The following PDGFC variants were observed in gnomAD, a reference collection of about 807,000 sequenced individuals.
PDGFC encodes platelet-derived growth factor C.
PDGFC carries 12 observed loss-of-function variants against 35.5 expected under a neutral mutation model. That is an observed-to-expected ratio of 0.34 (90% confidence interval 0.22 to 0.55). PDGFC has a LOEUF of 0.55. PDGFC is among the 20% of genes least tolerant of loss of function. The pLI is 0.91. For missense variants in PDGFC, 322 were observed against 412.4 expected (o/e 0.78, Z 1.90); for synonymous variants, 159 against 148.8 (o/e 1.07, Z -0.50).
chr4:156,880,234 A>G (rs1730209898), intron 1 of PDGFC, among the ~76,000 whole-genome samples: 2 of 152,146 alleles, frequency 1.3e-5, no homozygotes, highest in African/African-American at 4.8e-5. Context: ...GAACCATTGG[A>G]CAAGTAGACT....
intron 1 of PDGFC, among the ~76,000 whole-genome samples, chr4:156,875,450 T>C (rs1472866742): frequency 1.3e-5 from 2 of 152,106 alleles, no homozygotes; most frequent in Admixed American, 1.3e-4. Flanking sequence ...AGTTGAGCCA[T>C]TAGAAGAAAG....
intron 1 of PDGFC, chr4:156,876,509 A>G (rs1383052363): frequency 6.6e-6 from 1 of 152,210 alleles, no homozygotes; most frequent in Non-Finnish European, 1.5e-5. Flanking sequence ...CATTTGACAG[A>G]TGAGAAAATT....
chr4:156,767,731 T>C (rs1429856261), intron 5 of PDGFC, 42 bp downstream of exon 5: 2 of 1,274,150 alleles, frequency 1.6e-6, no homozygotes, highest in Non-Finnish European at 2.3e-6. Flanking sequence ...TTCTAAGACA[T>C]AAAATACCCG....
At chr4:156,824,307 TATATATATATATATATATATACACAC>T (rs1210485306) in intron 2 of PDGFC, among the ~76,000 whole-genome samples, 3,120 of 47,026 alleles carry the variant, frequency 0.066, 208 homozygotes, top group African/African-American at 0.18. Context: ...TATATATATA[TATATATATATATATATATATACACAC>T]ACACACACAC....
chr4:156,850,293 T>C lies in PDGFC; in HGVS notation c.242A>G (p.Glu81Gly). The C allele has an allele frequency of 6.2e-7, 1 of 1,611,398 alleles. No homozygotes were observed. Among genetic ancestry groups the C allele is most frequent in the South Asian group, 1.1e-5 (1 of 90,780 alleles). Residue 81 changes from glutamate to glycine, a missense_variant, in exon 2 of 6, where the codon GAG (glutamate) becomes GGG (glycine). Glu to Gly is a moderately conservative substitution (Grantham distance 98). This residue lies in a region of PDGFC where 120 missense variants were observed against 116.6 expected (regional missense o/e 1.03). Transcript: ENST00000502773. ...TVLVWRLVAV[E>G]ENVWIQLTFD... Reference sequence around the variant, plus strand: ...CGTAAGTTGTATCCATACATTTTCCTCTACTGCTACTAATCTCCATACCAA... The same window carrying C: ...CGTAAGTTGTATCCATACATTTTCCCCTACTGCTACTAATCTCCATACCAA...
intron 3 of PDGFC, among the ~76,000 whole-genome samples, chr4:156,787,330 C>T (rs897345959): frequency 6.6e-6 from 1 of 152,094 alleles, no homozygotes; most frequent in Non-Finnish European, 1.5e-5. Flanking sequence ...TCAGTTGTGT[C>T]AACCACTGAT....
chr4:156,822,126 A>G (rs184685044), intron 2 of PDGFC, among the ~76,000 whole-genome samples: 1,800 of 152,172 alleles, frequency 0.012, 26 homozygotes, highest in African/African-American at 0.041. Context: ...TTGGGAGGCC[A>G]AGGCGGGTAG....
At chr4:156,819,954 G>A (rs532290208) in intron 2 of PDGFC, among the ~76,000 whole-genome samples, 36 of 152,242 alleles carry the variant, frequency 2.4e-4, no homozygotes, top group Admixed American at 1.5e-3. Flanking sequence ...CAATCTTCAC[G>A]GATAAATCTG....
At chr4:156,861,665 A>G (rs1328744588) in intron 1 of PDGFC, among the ~76,000 whole-genome samples, 1 of 152,112 alleles carries the variant, frequency 6.6e-6, no homozygotes, top group Non-Finnish European at 1.5e-5. Context: ...TTATTCATGG[A>G]CATTTGTACT....
chr4:156,952,513 G>A (rs1732108549), intron 1 of PDGFC, among the ~76,000 whole-genome samples: 1 of 151,792 alleles, frequency 6.6e-6, no homozygotes, highest in Non-Finnish European at 1.5e-5. Context: ...TATGAACTAT[G>A]CTTTAACCTG....
intron 1 of PDGFC, among the ~76,000 whole-genome samples, chr4:156,943,123 T>C (rs981411328): frequency 6.6e-6 from 1 of 152,008 alleles, no homozygotes; most frequent in Non-Finnish European, 1.5e-5. Context: ...TATTTAAGGG[T>C]AACCCCTACC....
At chr4:156,894,435 A>G (rs2111202567) in intron 1 of PDGFC, among the ~76,000 whole-genome samples, 1 of 152,294 alleles carries the variant, frequency 6.6e-6, no homozygotes, top group Admixed American at 6.5e-5. Flanking sequence ...GCATTGCATC[A>G]TAGTATTGTT....
In PDGFC at chr4:156,947,494, GACA is replaced by G. The variant is rs1398224940; in HGVS notation, c.118+23289_118+23291del. ...AATGAAGGATGACAATGAAAGACAG[GACA>G]ACAAGAAAAACTGAAATTCAGGAAA... is the stretch of plus-strand genomic sequence containing the variant. On this transcript the variant is annotated intron_variant, in intron 1 of 5. Transcript: ENST00000502773. 4.6e-5 allele frequency among the ~76,000 whole-genome samples: 7 copies of G among 151,922 alleles called. No homozygotes were observed. The South Asian group carries it at 1.2e-3, about 27-fold the overall frequency.
intron 1 of PDGFC, among the ~76,000 whole-genome samples, chr4:156,911,842 G>A (rs1731046948): frequency 1.3e-5 from 2 of 152,128 alleles, no homozygotes; most frequent in Admixed American, 6.5e-5. Context: ...TAATGCACAT[G>A]CGTTGGTAAG....
intron 2 of PDGFC, among the ~76,000 whole-genome samples, chr4:156,818,516 GTTTTTTTTT>G (rs35714916): frequency 1.0e-5 from 1 of 98,894 alleles, no homozygotes; most frequent in Non-Finnish European, 1.9e-5. Context: ...CTTTCTAGCT[GTTTTTTTTT>G]TTTTTTTTTT....
At chr4:156,824,697 T>C (rs768904427) in intron 2 of PDGFC, among the ~76,000 whole-genome samples, 1 of 152,134 alleles carries the variant, frequency 6.6e-6, no homozygotes, top group Non-Finnish European at 1.5e-5. Flanking sequence ...CTCATACCAT[T>C]GTACTATTAC....
chr4:156,884,726 A>G (rs1016552490), intron 1 of PDGFC, among the ~76,000 whole-genome samples: 1 of 152,258 alleles, frequency 6.6e-6, no homozygotes, highest in Admixed American at 6.5e-5. Context: ...AATATTTAAA[A>G]CACATTGTGA....
chr4:156,876,372 G>A (rs1234503992), intron 1 of PDGFC: 1 of 152,146 alleles, frequency 6.6e-6, no homozygotes, highest in Non-Finnish European at 1.5e-5. Context: ...AAAGTTACTT[G>A]ATCATTTGGA....
At position 156,761,477 on chromosome 4, in the gene PDGFC, G is replaced by A; in HGVS notation, c.*1613C>T. 1 of 152,208 alleles carries A rather than the reference G, an allele frequency of 6.6e-6. No homozygotes were observed. Among genetic ancestry groups the A allele is most frequent in the African/African-American group, 2.4e-5 (1 of 41,464 alleles). The allele number at this position is 152,208 out of a possible 1,614,324, so 9.4% of individuals were successfully genotyped here. On this transcript the variant is annotated 3_prime_UTR_variant, in exon 6 of 6. Coordinates refer to ENST00000502773, the MANE Select transcript of PDGFC (RefSeq NM_016205.3). ...AAAGGCATTGGAAACAAGAGGCAGA[G>A]AAGGCTCACAGGTATCTTCCCTTTT...
Sources: allele counts gnomAD v4.1 joint callset (sites outside exome capture counted in the v4.1 genomes callset), GRCh38; gene constraint gnomAD v4.1.1; regional missense constraint gnomAD v4.1.1; transcripts MANE v1.5; gene names NCBI Gene and HGNC (gene_info 2026-07-23, HGNC 2026-07-21).